NELL1: variants seen among roughly 807,000 people sequenced by gnomAD.
NELL1 encodes neural EGFL like 1, also known as protein kinase C-binding protein NELL1.
A neutral mutation model predicts 107.4 loss-of-function variants in NELL1; 76 were observed. That is an observed-to-expected ratio of 0.71 (90% CI 0.59 to 0.86). The LOEUF is 0.86. Ranked by LOEUF, NELL1 falls within the 40% of genes least tolerant of loss-of-function variation. The probability of loss-of-function intolerance (pLI) is 0.00; values close to 1 mark genes in which losing one functional copy is unlikely to be tolerated. For missense variants in NELL1, 1,024 were observed against 1,005.5 expected, an observed-to-expected ratio of 1.02 and a Z score of -0.25; for synonymous variants, 353 against 341.2, an observed-to-expected ratio of 1.03 and a Z score of -0.38.
chr11:21,052,148 A>G (rs1047070994), intron 12 of NELL1, among the ~76,000 whole-genome samples: 1 of 152,034 alleles, frequency 6.6e-6, no homozygotes, highest in African/African-American at 2.4e-5. Flanking sequence ...CAAATGCCAC[A>G]AGACAAGAAT....
chr11:21,155,460 A>C (rs1396992425), intron 13 of NELL1, among the ~76,000 whole-genome samples: 3 of 152,188 alleles, frequency 2.0e-5, no homozygotes, highest in Non-Finnish European at 4.4e-5. Context: ...TAGGTAAATC[A>C]GTGTTTAAGG....
chr11:21,129,189 T>A (rs139204120), intron 13 of NELL1, among the ~76,000 whole-genome samples: 1 of 152,238 alleles, frequency 6.6e-6, no homozygotes, highest in East Asian at 1.9e-4. Flanking sequence ...TTGTTATTTA[T>A]GGGTGAATCT....
At chr11:21,091,637 C>T (rs1854523721) in intron 12 of NELL1, among the ~76,000 whole-genome samples, 1 of 152,090 alleles carries the variant, frequency 6.6e-6, no homozygotes, top group Non-Finnish European at 1.5e-5. Flanking sequence ...ATCCAGCTAT[C>T]CATCCATTCA....
At chr11:21,164,904 TCAC>T (rs1325697664) in intron 13 of NELL1, among the ~76,000 whole-genome samples, 1 of 152,216 alleles carries the variant, frequency 6.6e-6, no homozygotes, top group Non-Finnish European at 1.5e-5. Flanking sequence ...TAAATATTCT[TCAC>T]CAGTATCTTC....
rs1292582395 is a variant in NELL1, at chr11:20,955,875, C to T, written c.1172-4557C>T. On this transcript the variant is annotated intron_variant, in intron 11 of 19. Transcript: ENST00000357134. Reference sequence around the variant, plus strand: ...TTATCACTGAAAGGAATTAACTTGACTTTATCTAGTGGAGTGATTTCCATA... The same window carrying T: ...TTATCACTGAAAGGAATTAACTTGATTTTATCTAGTGGAGTGATTTCCATA... Among the ~76,000 whole-genome samples, 5 of 152,184 alleles carry T rather than the reference C, an allele frequency of 3.3e-5. No homozygotes were observed. In the East Asian group the frequency reaches 9.7e-4, roughly 29 times the overall value.
At chr11:21,113,544 C>T in intron 12 of NELL1, 45 bp from the exon 13 acceptor site, 1 of 1,572,864 alleles carries the variant, frequency 6.4e-7, no homozygotes, top group Non-Finnish European at 8.7e-7. Context: ...CACTGTTGTT[C>T]CATTATTTTG....
At chr11:21,332,028 G>A (rs1050336102) in intron 14 of NELL1, among the ~76,000 whole-genome samples, 2 of 147,548 alleles carry the variant, frequency 1.4e-5, no homozygotes, top group Non-Finnish European at 2.9e-5. Context: ...CTAGGGCTCA[G>A]TTAGTTCTAG....
intron 14 of NELL1, among the ~76,000 whole-genome samples, chr11:21,350,684 G>T (rs950704694): frequency 6.6e-6 from 1 of 152,100 alleles, no homozygotes; most frequent in African/African-American, 2.4e-5. Context: ...ATTATGTGCA[G>T]GAATTTTGCT....
intron 12 of NELL1, among the ~76,000 whole-genome samples, chr11:21,083,614 T>C (rs1854318828): frequency 6.6e-6 from 1 of 152,158 alleles, no homozygotes; most frequent in Admixed American, 6.5e-5. Context: ...CCTTTGCTTG[T>C]CAGCCACTGG....
At chr11:20,698,747 G>A (rs574451773) in intron 2 of NELL1, among the ~76,000 whole-genome samples, 1 of 152,252 alleles carries the variant, frequency 6.6e-6, no homozygotes, top group East Asian at 1.9e-4. Context: ...CATGACCTGG[G>A]TAGTGTACAC....
intron 12 of NELL1, among the ~76,000 whole-genome samples, chr11:20,968,657 A>C (rs144318218): frequency 1.2e-3 from 186 of 152,322 alleles, no homozygotes; most frequent in African/African-American, 4.3e-3. Flanking sequence ...TTTTTCAAAA[A>C]ATCATTTTAT....
chr11:20,900,853 A>G (rs1214820799), intron 5 of NELL1, among the ~76,000 whole-genome samples: 1 of 152,140 alleles, frequency 6.6e-6, no homozygotes, highest in East Asian at 1.9e-4. Flanking sequence ...AATGAAATTG[A>G]CTACATTAAA....
chr11:21,285,803 A>G (rs562678692), intron 14 of NELL1, among the ~76,000 whole-genome samples: 2 of 152,258 alleles, frequency 1.3e-5, no homozygotes, highest in Non-Finnish European at 2.9e-5. Context: ...AAAACAAAAG[A>G]AAACAAAAAG....
intron 15 of NELL1, among the ~76,000 whole-genome samples, chr11:21,423,221 T>A (rs1461163875): frequency 6.6e-6 from 1 of 151,302 alleles, no homozygotes; most frequent in Non-Finnish European, 1.5e-5. Flanking sequence ...AAAAAAAAAA[T>A]TAGCTGGGTG....
At chr11:20,857,750 T>C (rs1848909903) in intron 4 of NELL1, among the ~76,000 whole-genome samples, 1 of 152,192 alleles carries the variant, frequency 6.6e-6, no homozygotes, top group Non-Finnish European at 1.5e-5. Context: ...AGAGAGTCTT[T>C]CTGGCAGCCA....
chr11:20,712,315 A>C (rs1425605491), intron 2 of NELL1, among the ~76,000 whole-genome samples: 1 of 147,932 alleles, frequency 6.8e-6, no homozygotes, highest in African/African-American at 2.5e-5. Context: ...AATTTTTTTT[A>C]TGGTATCTAT....
At position 21,295,994 on chromosome 11, in the gene NELL1, C is replaced by T. The variant is rs533317833; in HGVS notation, c.1549+66540C>T. On this transcript the variant is annotated intron_variant, in intron 14 of 19. Transcript: ENST00000357134. The stretch of plus-strand genomic sequence containing the variant: ...TCATATGGGCTCTGATCAGTTTAAG[C>T]ATCTGGTTTGCTACAGTTAATGCCA... Among the ~76,000 whole-genome samples, 13 of 152,068 alleles carry T rather than the reference C, an allele frequency of 8.5e-5. No homozygotes were observed. The East Asian group carries it at 2.5e-3, about 29-fold the overall frequency.
chr11:21,022,335 A>C (rs1230598246), intron 12 of NELL1, among the ~76,000 whole-genome samples: 2 of 151,920 alleles, frequency 1.3e-5, no homozygotes, highest in South Asian at 2.1e-4. Context: ...TCACTTTCAA[A>C]CTCTACTGAT....
chr11:20,714,449 C>T (rs1463773979), intron 2 of NELL1, among the ~76,000 whole-genome samples: 3 of 151,838 alleles, frequency 2.0e-5, no homozygotes, highest in Non-Finnish European at 4.4e-5. Flanking sequence ...CTCAGGTGAC[C>T]TGCCCGCCTC....
Sources: allele counts gnomAD v4.1 joint callset (sites outside exome capture counted in the v4.1 genomes callset), GRCh38; gene constraint gnomAD v4.1.1; transcripts MANE v1.5; gene names NCBI Gene and HGNC (gene_info 2026-07-23, HGNC 2026-07-21).